CTDSPL2: variants seen among roughly 807,000 people sequenced by gnomAD.
CTDSPL2 encodes the protein CTD small phosphatase-like protein 2.
In CTDSPL2, 5 loss-of-function variants were observed where a neutral mutation model predicts 60.0. The observed-to-expected ratio is 0.08, with a 90% confidence interval of 0.04 to 0.18. CTDSPL2 has a LOEUF of 0.18. Ranked by LOEUF, CTDSPL2 falls within the 10% of genes least tolerant of loss-of-function variation. The pLI is 1.00. For synonymous variants in CTDSPL2, 186 were observed against 189.3 expected (o/e 0.98, Z 0.14); for missense variants, 370 against 548.8 (o/e 0.67, Z 3.26).
chr15:44,495,276 C>T (rs920613385), intron 5 of CTDSPL2, among the ~76,000 whole-genome samples: 1 of 150,784 alleles, frequency 6.6e-6, no homozygotes, highest in Non-Finnish European at 1.5e-5. Flanking sequence ...GGCTGCATTT[C>T]TTAATTTTTT....
At chr15:44,444,731 G>GTTT (rs200048188) in intron 1 of CTDSPL2, among the ~76,000 whole-genome samples, 4 of 105,434 alleles carry the variant, frequency 3.8e-5, no homozygotes, top group African/African-American at 1.3e-4. Context: ...AAGGTAAGTA[G>GTTT]TTTTTTTTTT....
intron 1 of CTDSPL2, among the ~76,000 whole-genome samples, chr15:44,452,438 G>C (rs1368756396): frequency 6.6e-6 from 1 of 151,916 alleles, no homozygotes; most frequent in African/African-American, 2.4e-5. Flanking sequence ...TTCTGTTTTG[G>C]GGCATTTTTG....
chr15:44,446,366 G>A (rs985311160), intron 1 of CTDSPL2, among the ~76,000 whole-genome samples: 6 of 152,144 alleles, frequency 3.9e-5, no homozygotes, highest in Non-Finnish European at 8.8e-5. Context: ...GGTGGCTCAC[G>A]CCTGTAATCC....
At chr15:44,483,839 TG>T (rs1308355538) in intron 2 of CTDSPL2, among the ~76,000 whole-genome samples, 3 of 152,136 alleles carry the variant, frequency 2.0e-5, no homozygotes, top group Non-Finnish European at 4.4e-5. Context: ...GCACATTCAG[TG>T]GGGCTCCCTC....
At chr15:44,465,105 C>T (rs1302377926) in intron 2 of CTDSPL2, among the ~76,000 whole-genome samples, 4 of 152,156 alleles carry the variant, frequency 2.6e-5, no homozygotes, top group Non-Finnish European at 4.4e-5. Context: ...TTTGGGGTAA[C>T]ACTATTCAGT....
At chr15:44,481,910 G>A (rs991325733) in intron 2 of CTDSPL2, among the ~76,000 whole-genome samples, 1 of 152,184 alleles carries the variant, frequency 6.6e-6, no homozygotes, top group African/African-American at 2.4e-5. Flanking sequence ...ATCTGCAGCA[G>A]ATATTCTCTC....
Position 44,521,386 on chromosome 15 carries a change from C to T in CTDSPL2, c.1315C>T (p.Leu439=). 6.3e-7 allele frequency: 1 copy of T among 1,585,742 alleles called. No individual in the cohort carries two copies. The highest frequency in any genetic ancestry group is 8.6e-7 in the Non-Finnish European group (1 of 1,157,988). Residue 439 remains leucine (L), a synonymous_variant, in exon 12 of 13, where the codon CTG becomes TTG. Transcript: ENST00000260327. ...TGAACTCCTAAAATTGATTCCATTC[C>T]TGGAGAAGCTTGTAGAACTGGTAAG... is the stretch of plus-strand genomic sequence containing the variant. ...DNELLKLIPF[L]EKLVELNEDV...
intron 1 of CTDSPL2, among the ~76,000 whole-genome samples, chr15:44,440,814 G>A (rs2141278129): frequency 6.6e-6 from 1 of 152,240 alleles, no homozygotes; most frequent in East Asian, 1.9e-4. Context: ...TTTATACCTG[G>A]AACATTGCAT....
intron 2 of CTDSPL2, among the ~76,000 whole-genome samples, chr15:44,475,880 T>C (rs1480175574): frequency 6.6e-6 from 1 of 152,160 alleles, no homozygotes; most frequent in Non-Finnish European, 1.5e-5. Context: ...GGAAGATATC[T>C]TTATCATGCT....
chr15:44,434,226 C>G (rs1471948188), intron 1 of CTDSPL2, among the ~76,000 whole-genome samples: 1 of 151,868 alleles, frequency 6.6e-6, no homozygotes, highest in Non-Finnish European at 1.5e-5. Flanking sequence ...ATGGCGAAAC[C>G]CCATCTCTAC....
At chr15:44,511,084 C>T (rs1237912473) in intron 8 of CTDSPL2, among the ~76,000 whole-genome samples, 1 of 152,158 alleles carries the variant, frequency 6.6e-6, no homozygotes, top group Non-Finnish European at 1.5e-5. Flanking sequence ...TTCCCACTTT[C>T]CTCCCTCATT....
At chr15:44,474,363 C>T (rs1293517669) in intron 2 of CTDSPL2, among the ~76,000 whole-genome samples, 2 of 152,086 alleles carry the variant, frequency 1.3e-5, no homozygotes, top group African/African-American at 4.8e-5. Context: ...TGGTGGTACA[C>T]GCCTGTAGTC....
At chr15:44,480,159 T>C (rs2080999185) in intron 2 of CTDSPL2, among the ~76,000 whole-genome samples, 1 of 152,132 alleles carries the variant, frequency 6.6e-6, no homozygotes, top group Admixed American at 6.6e-5. Flanking sequence ...AGCAGACTGT[T>C]CCTGTCATTT....
chr15:44,522,140 C>G (rs904261377), intron 12 of CTDSPL2, among the ~76,000 whole-genome samples: 2 of 151,976 alleles, frequency 1.3e-5, no homozygotes, highest in African/African-American at 4.8e-5. Flanking sequence ...CTCAATCTAT[C>G]CTCCTGCCTC....
chr15:44,525,244 T>C lies in CTDSPL2; in HGVS notation c.*1070T>C. On this transcript the variant is annotated 3_prime_UTR_variant, in exon 13 of 13. Coordinates refer to ENST00000260327, the MANE Select transcript of CTDSPL2 (RefSeq NM_016396.3). ...TCAATTTAAAACTGTATAACAGTCT[T>C]GGTACCTAACAGTAGCTATGCATAA... 1 of 396,084 alleles carries C rather than the reference T, an allele frequency of 2.5e-6. No individual in the cohort carries two copies. Among genetic ancestry groups the C allele is most frequent in the Non-Finnish European group, 4.5e-6 (1 of 224,480 alleles). The allele number at this position is 396,084 out of a possible 1,614,324, so 24.5% of individuals were successfully genotyped here. A position where few individuals can be genotyped will look rare whatever the true frequency, so the allele number is the denominator to read the frequency against.
intron 1 of CTDSPL2, among the ~76,000 whole-genome samples, chr15:44,457,903 C>T (rs961699836): frequency 2.6e-5 from 4 of 152,056 alleles, no homozygotes; most frequent in African/African-American, 4.8e-5. Flanking sequence ...TGAGCCACTG[C>T]GTGCCCAGCC....
chr15:44,476,319 G>A (rs1319604226), intron 2 of CTDSPL2, among the ~76,000 whole-genome samples: 2 of 151,974 alleles, frequency 1.3e-5, no homozygotes, highest in African/African-American at 4.8e-5. Flanking sequence ...GCCCGCCCTG[G>A]CCTCCCAAAG....
chr15:44,436,089 A>G (rs149632854), intron 1 of CTDSPL2, among the ~76,000 whole-genome samples: 1 of 152,336 alleles, frequency 6.6e-6, no homozygotes, highest in East Asian at 1.9e-4. Flanking sequence ...ACTTGATTTC[A>G]GATTAGTCAG....
At chr15:44,457,605 G>C (rs772203473) in intron 1 of CTDSPL2, among the ~76,000 whole-genome samples, 3 of 151,900 alleles carry the variant, frequency 2.0e-5, no homozygotes, top group Admixed American at 1.3e-4. Flanking sequence ...TGGTTGGGGG[G>C]GGTGGTGCGG....
Sources: gnomAD v4.1 joint callset for allele counts (sites outside exome capture counted in the v4.1 genomes callset) on GRCh38, gnomAD v4.1.1 for gene constraint, MANE v1.5 for transcripts, NCBI Gene and HGNC (gene_info 2026-07-23, HGNC 2026-07-21) for gene names.